ADAM23: variants seen among roughly 807,000 people sequenced by gnomAD.
ADAM23 encodes ADAM metallopeptidase domain 23.
In ADAM23, 33 loss-of-function variants were observed where a neutral mutation model predicts 120.1. The observed-to-expected ratio is 0.27, with a 90% confidence interval of 0.21 to 0.37. The LOEUF (loss-of-function observed/expected upper bound fraction) is 0.37. ADAM23 is among the 10% of genes least tolerant of loss of function. ADAM23 has a pLI of 1.00. For synonymous variants in ADAM23, 367 were observed against 375.2 expected (o/e 0.98, Z 0.25); for missense variants, 862 against 1,058.2 (o/e 0.81, Z 2.57).
At chr2:206,478,117 GT>G (rs1695821520) in intron 2 of ADAM23, among the ~76,000 whole-genome samples, 1 of 151,812 alleles carries the variant, frequency 6.6e-6, no homozygotes, top group Admixed American at 6.6e-5. Context: ...ATAGGGAAAA[GT>G]AGCACTTGTC....
At chr2:206,505,102 CCTA>C (rs1325524582) in intron 3 of ADAM23, among the ~76,000 whole-genome samples, 1 of 152,154 alleles carries the variant, frequency 6.6e-6, no homozygotes, top group African/African-American at 2.4e-5. Context: ...GGCTATCAAA[CCTA>C]CTAGCTATAG....
At chr2:206,521,885 A>G (rs1248399736) in intron 3 of ADAM23, among the ~76,000 whole-genome samples, 1 of 152,156 alleles carries the variant, frequency 6.6e-6, no homozygotes, top group Non-Finnish European at 1.5e-5. Context: ...CAGTTTTCCT[A>G]CATCCTTGCC....
At chr2:206,469,362 A>G (rs751372494) in intron 2 of ADAM23, among the ~76,000 whole-genome samples, 5 of 152,098 alleles carry the variant, frequency 3.3e-5, no homozygotes, top group Non-Finnish European at 5.9e-5. Context: ...CCTCTATTTC[A>G]TTATAATCCA....
rs1698443040 is a variant in ADAM23, at chr2:206,592,481, G to T, written c.1959-136G>T. The T allele has an allele frequency of 1.7e-5, 19 of 1,127,422 alleles. No individual in the cohort carries two copies. In the South Asian group the frequency reaches 3.0e-4, roughly 18 times the overall value. The allele number at this position is 1,127,422 out of a possible 1,614,324, so 69.8% of individuals were successfully genotyped here. On this transcript the variant is annotated intron_variant, in intron 21 of 25. Coordinates refer to ENST00000264377, the MANE Select transcript of ADAM23 (RefSeq NM_003812.4). ...AAGGAGGAGGTTATCACCTACCAAT[G>T]ATATATGATCAAATGTTTTTGTTTA... is the stretch of plus-strand genomic sequence containing the variant.
chr2:206,597,162 G>A lies in ADAM23; in HGVS notation c.2359+1000G>A, dbSNP rs1317120094. Reference sequence around the variant, plus strand: ...ATTATAGGTGTGAACCACTGCACCCGCCCCTCTTACATCATCTTTTTTTTT... The same window carrying A: ...ATTATAGGTGTGAACCACTGCACCCACCCCTCTTACATCATCTTTTTTTTT... On this transcript the variant is annotated intron_variant, in intron 24 of 25. Coordinates refer to ENST00000264377, the MANE Select transcript of ADAM23 (RefSeq NM_003812.4). Among the ~76,000 whole-genome samples, 7 of 147,116 alleles carry A rather than the reference G, an allele frequency of 4.8e-5. No individual in the cohort carries two copies. The East Asian group carries it at 6.0e-4, about 13-fold the overall frequency.
In ADAM23 at chr2:206,443,933, T is replaced by TGCGGCCCCCAAC; in HGVS notation, c.76_87dup (p.Gln26_Pro29dup). 8.1e-7 allele frequency: 1 copy of TGCGGCCCCCAAC among 1,240,670 alleles called. No homozygotes were observed. Among genetic ancestry groups the TGCGGCCCCCAAC allele is most frequent in the Non-Finnish European group, 1.0e-6 (1 of 996,518 alleles). The allele number at this position is 1,240,670 out of a possible 1,614,324, so 76.9% of individuals were successfully genotyped here. A position where few individuals can be genotyped will look rare whatever the true frequency, so the allele number is the denominator to read the frequency against. On this transcript the variant is annotated inframe_insertion, in exon 1 of 26. Coordinates refer to ENST00000264377, the MANE Select transcript of ADAM23 (RefSeq NM_003812.4). ...GGGCTGCAGCCTTGCCGGCGCTTCC[T>TGCGGCCCCCAAC]GCGGCCCCCAACGCGGCCCCGCCGG... is the stretch of plus-strand genomic sequence containing the variant.
chr2:206,599,578 T>C (rs1698597498), intron 24 of ADAM23, among the ~76,000 whole-genome samples: 1 of 152,194 alleles, frequency 6.6e-6, no homozygotes, highest in South Asian at 2.1e-4. Flanking sequence ...ATTATTTTGT[T>C]TTTGATTGTC....
chr2:206,520,704 T>C (rs1696825177), intron 3 of ADAM23, among the ~76,000 whole-genome samples: 1 of 152,094 alleles, frequency 6.6e-6, no homozygotes, highest in African/African-American at 2.4e-5. Context: ...ATTGACCCAG[T>C]AAAAGAATCT....
intron 15 of ADAM23, among the ~76,000 whole-genome samples, chr2:206,568,602 G>A (rs1697935576): frequency 6.6e-6 from 1 of 152,178 alleles, no homozygotes; most frequent in Non-Finnish European, 1.5e-5. Context: ...ATAAATCGGG[G>A]CTGTAGACCT....
intron 2 of ADAM23, among the ~76,000 whole-genome samples, chr2:206,473,886 A>G (rs1282468504): frequency 6.6e-6 from 1 of 151,418 alleles, no homozygotes; most frequent in African/African-American, 2.4e-5. Context: ...AGTGGCATGT[A>G]CCTGTGGTCC....
intron 3 of ADAM23, among the ~76,000 whole-genome samples, chr2:206,484,451 A>G (rs544911928): frequency 6.6e-6 from 1 of 152,214 alleles, no homozygotes; most frequent in South Asian, 2.1e-4. Flanking sequence ...TATTTTTAAA[A>G]ATTGGAGTGC....
intron 3 of ADAM23, among the ~76,000 whole-genome samples, chr2:206,490,198 C>G (rs947228223): frequency 6.6e-6 from 1 of 152,166 alleles, no homozygotes; most frequent in Non-Finnish European, 1.5e-5. Context: ...GTCTGCAAGC[C>G]AAGGAGAGAG....
rs564954593 is a variant in ADAM23 at position 206,485,167 on chromosome 2, G to A, written c.509+3859G>A. Among the ~76,000 whole-genome samples the A allele has an allele frequency of 2.6e-5, 4 of 152,284 alleles. No homozygotes were observed. In the South Asian group the frequency reaches 8.3e-4, roughly 32 times the overall value. On this transcript the variant is annotated intron_variant, in intron 3 of 25. Transcript: ENST00000264377. ...GTGTGCAAGGCTGGCATGATGAACT[G>A]GAAATGAGGGAACTGTGTTAGAACA...
chr2:206,519,554 G>C (rs1352456867), intron 3 of ADAM23, among the ~76,000 whole-genome samples: 1 of 152,058 alleles, frequency 6.6e-6, no homozygotes, highest in Non-Finnish European at 1.5e-5. Context: ...TTGCCACTTT[G>C]TATGATAGTA....
chr2:206,531,008 A>G, intron 4 of ADAM23, 60 bp downstream of exon 4: 1 of 1,410,624 alleles, frequency 7.1e-7, no homozygotes, highest in South Asian at 1.2e-5. Flanking sequence ...AGAGTTGATC[A>G]GTGCACACTG....
chr2:206,534,487 T>C (rs1170884274), intron 4 of ADAM23, among the ~76,000 whole-genome samples: 2 of 152,112 alleles, frequency 1.3e-5, no homozygotes, highest in South Asian at 4.1e-4. Context: ...TTATCTTTTT[T>C]TTTTTTGTAG....
chr2:206,534,783 T>G (rs1385089151), intron 4 of ADAM23, among the ~76,000 whole-genome samples: 2 of 152,170 alleles, frequency 1.3e-5, no homozygotes, highest in Non-Finnish European at 2.9e-5. Flanking sequence ...AGTGCCTCCA[T>G]CCCAACTTCC....
intron 24 of ADAM23, chr2:206,608,124 T>C: frequency 3.2e-6 from 1 of 309,900 alleles, no homozygotes. Context: ...GTTAGCAAAC[T>C]TCTGTAAAAG....
rs1280426369 is a variant in ADAM23 at position 206,618,717 on chromosome 2, A to T, written c.*1090A>T. On this transcript the variant is annotated 3_prime_UTR_variant, in exon 26 of 26. Coordinates refer to ENST00000264377, the MANE Select transcript of ADAM23 (RefSeq NM_003812.4). Reference sequence around the variant, plus strand: ...CGTTAAACCAAAAATAAAAGGGGGGACATAAACAACAAAATAACCCATATC... The same window carrying T: ...CGTTAAACCAAAAATAAAAGGGGGGTCATAAACAACAAAATAACCCATATC... The T allele has an allele frequency of 6.6e-6, 1 of 152,144 alleles. No homozygotes were observed. Among genetic ancestry groups the T allele is most frequent in the Non-Finnish European group, 1.5e-5 (1 of 68,038 alleles). 9.4% of individuals were successfully genotyped at this position (152,144 alleles called of 1,614,324 possible).
Sources: allele counts gnomAD v4.1 joint callset (sites outside exome capture counted in the v4.1 genomes callset), GRCh38; gene constraint gnomAD v4.1.1; transcripts MANE v1.5; gene names NCBI Gene and HGNC (gene_info 2026-07-23, HGNC 2026-07-21).